Variants in OPCML observed in about 807,000 individuals in gnomAD.
OPCML encodes opioid binding protein/cell adhesion molecule like.
A neutral mutation model predicts 37.8 loss-of-function variants in OPCML; 13 were observed. That is an observed-to-expected ratio of 0.34 (90% CI 0.22 to 0.55). The LOEUF (loss-of-function observed/expected upper bound fraction) is 0.55, where lower values mean the gene tolerates loss of function less well. Among genes scored for constraint, OPCML ranks in the 20% least tolerant of loss-of-function variants. The pLI is 0.91. For synonymous variants in OPCML, 176 were observed against 168.8 expected, an observed-to-expected ratio of 1.04 and a Z score of -0.33; for missense variants, 341 against 435.6, an observed-to-expected ratio of 0.78 and a Z score of 1.93.
At chr11:133,228,550 A>G (rs550663473) in intron 1 of OPCML, among the ~76,000 whole-genome samples, 45 of 152,358 alleles carry the variant, frequency 3.0e-4, no homozygotes, top group African/African-American at 1.1e-3. Context: ...CTGGTGCTCA[A>G]CAGCGCCAAA....
intron 2 of OPCML, among the ~76,000 whole-genome samples, chr11:132,666,825 A>T (rs1188125314): frequency 4.6e-5 from 7 of 152,184 alleles, no homozygotes; most frequent in African/African-American, 1.7e-4. Context: ...AGGGCTGCAG[A>T]GGTAGACATC....
intron 1 of OPCML, among the ~76,000 whole-genome samples, chr11:133,516,760 G>A (rs1948283908): frequency 6.6e-6 from 1 of 152,146 alleles, no homozygotes; most frequent in African/African-American, 2.4e-5. Context: ...CACGGGGATG[G>A]ATGGTCCCTG....
At chr11:132,786,567 C>A (rs1750902421) in intron 2 of OPCML, among the ~76,000 whole-genome samples, 1 of 152,010 alleles carries the variant, frequency 6.6e-6, no homozygotes, top group Non-Finnish European at 1.5e-5. Flanking sequence ...TTTTTTGCCT[C>A]TTAGGAATAT....
chr11:133,430,877 A>G (rs985677779), intron 1 of OPCML, among the ~76,000 whole-genome samples: 3 of 152,230 alleles, frequency 2.0e-5, no homozygotes, highest in African/African-American at 7.2e-5. Flanking sequence ...CTTATACTCA[A>G]TATTGGCAAA....
At chr11:133,130,343 G>A (rs933172406) in intron 1 of OPCML, among the ~76,000 whole-genome samples, 3 of 152,068 alleles carry the variant, frequency 2.0e-5, no homozygotes, top group African/African-American at 7.2e-5. Context: ...CATGTAAATT[G>A]AGTTGCTATA....
At chr11:133,289,321 C>T (rs545270165) in intron 1 of OPCML, among the ~76,000 whole-genome samples, 2 of 152,240 alleles carry the variant, frequency 1.3e-5, no homozygotes, top group East Asian at 1.9e-4. Context: ...AGTGGCCGGG[C>T]GCGGTGGCTC....
At position 133,493,890 on chromosome 11, in the gene OPCML, A is replaced by G. The variant is rs59911050; in HGVS notation, c.61+38374T>C. On this transcript the variant is annotated intron_variant, in intron 1 of 7. Coordinates refer to ENST00000524381, the MANE Select transcript of OPCML (RefSeq NM_001012393.5). ...TCTAATTAAACTAAAGAGCTTCTGC[A>G]CAGCGAAAGAAACTACCATCAGAGT... 9.3e-3 allele frequency among the ~76,000 whole-genome samples: 1,420 copies of G among 152,272 alleles called. 14 individuals carry two copies. The highest frequency in any genetic ancestry group is 0.032 in the African/African-American group (1,315 of 41,552).
intron 1 of OPCML, among the ~76,000 whole-genome samples, chr11:133,348,016 C>T (rs1010755239): frequency 1.3e-5 from 2 of 152,166 alleles, no homozygotes; most frequent in Admixed American, 1.3e-4. Context: ...TACCCTGTTA[C>T]ATCTGACCCT....
chr11:133,328,793 C>T (rs1162308523), intron 1 of OPCML, among the ~76,000 whole-genome samples: 2 of 152,202 alleles, frequency 1.3e-5, no homozygotes, highest in Middle Eastern at 3.2e-3. Context: ...TGCCCTCTCT[C>T]ACCTCTCCTA....
intron 1 of OPCML, among the ~76,000 whole-genome samples, chr11:133,015,184 A>G (rs1007192854): frequency 1.3e-5 from 2 of 152,172 alleles, no homozygotes; most frequent in Admixed American, 6.5e-5. Context: ...AGATTGATTG[A>G]TAGAGTGATA....
intron 1 of OPCML, among the ~76,000 whole-genome samples, chr11:133,381,683 T>A (rs2136782246): frequency 6.6e-6 from 1 of 152,254 alleles, no homozygotes; most frequent in East Asian, 1.9e-4. Flanking sequence ...GAGGGAGACC[T>A]CAGTGAGCGT....
chr11:132,954,669 A>T (rs1418734227), intron 1 of OPCML, among the ~76,000 whole-genome samples: 1 of 152,222 alleles, frequency 6.6e-6, no homozygotes, highest in Non-Finnish European at 1.5e-5. Context: ...TGAGCAAGAG[A>T]CAATGTTTAC....
At chr11:133,434,694 C>A (rs1036612520) in intron 1 of OPCML, among the ~76,000 whole-genome samples, 1 of 149,688 alleles carries the variant, frequency 6.7e-6, no homozygotes, top group African/African-American at 2.5e-5. Context: ...GAAAAAGTTT[C>A]TAGTAAGAAA....
At chr11:133,407,807 C>T (rs1310115114) in intron 1 of OPCML, among the ~76,000 whole-genome samples, 2 of 152,154 alleles carry the variant, frequency 1.3e-5, no homozygotes, top group South Asian at 2.1e-4. Flanking sequence ...TAAAAATACC[C>T]ATGCTTTATC....
chr11:133,328,356 C>T (rs535664682), intron 1 of OPCML, among the ~76,000 whole-genome samples: 98 of 152,156 alleles, frequency 6.4e-4, no homozygotes, highest in African/African-American at 2.3e-3. Context: ...TGGGGTTTTG[C>T]CATGTTGGCC....
chr11:132,505,451 A>G (rs765122153), intron 4 of OPCML, among the ~76,000 whole-genome samples: 1 of 152,164 alleles, frequency 6.6e-6, no homozygotes, highest in Non-Finnish European at 1.5e-5. Flanking sequence ...AAAATTGTAG[A>G]CAGCCACCTG....
chr11:133,369,127 G>A (rs1320142513), intron 1 of OPCML, among the ~76,000 whole-genome samples: 1 of 152,126 alleles, frequency 6.6e-6, no homozygotes, highest in African/African-American at 2.4e-5. Context: ...GAACTCCAAG[G>A]GCATTAGTCT....
chr11:132,776,060 G>C (rs1316683528), intron 2 of OPCML, among the ~76,000 whole-genome samples: 1 of 152,102 alleles, frequency 6.6e-6, no homozygotes, highest in Non-Finnish European at 1.5e-5. Context: ...CTCCCAAGTA[G>C]CTGGGACTAC....
chr11:133,081,381 G>A (rs1948714517), intron 1 of OPCML, among the ~76,000 whole-genome samples: 1 of 152,198 alleles, frequency 6.6e-6, no homozygotes, highest in African/African-American at 2.4e-5. Context: ...CCGCAACTTA[G>A]GAACTGAGGC....
Sources: allele counts gnomAD v4.1 joint callset (sites outside exome capture counted in the v4.1 genomes callset), GRCh38; gene constraint gnomAD v4.1.1; transcripts MANE v1.5; gene names NCBI Gene and HGNC (gene_info 2026-07-23, HGNC 2026-07-21).